BCAS3: variants seen among roughly 807,000 people sequenced by gnomAD.
BCAS3 encodes BCAS3 microtubule associated cell migration factor, also known as BCAS4/BCAS3 fusion.
BCAS3 carries 53 observed loss-of-function variants against 116.1 expected under a neutral mutation model. The ratio of observed to expected loss-of-function variants is 0.46; its 90% CI spans 0.37 to 0.57. The LOEUF (loss-of-function observed/expected upper bound fraction) is 0.57, where lower values mean the gene tolerates loss of function less well. BCAS3 is among the 20% of genes least tolerant of loss of function. The pLI, the probability that BCAS3 is intolerant of heterozygous loss-of-function variation, is 0.00. For missense variants in BCAS3, 917 were observed against 1,165.4 expected (o/e 0.79, Z 3.10); for synonymous variants, 391 against 408.2 (o/e 0.96, Z 0.51).
chr17:60,693,885 A>ATTTT (rs202004899), intron 4 of BCAS3, among the ~76,000 whole-genome samples: 1 of 131,504 alleles, frequency 7.6e-6, no homozygotes, highest in Non-Finnish European at 1.6e-5. Context: ...AAAAATTTTA[A>ATTTT]TTTTTTTTTT....
intron 7 of BCAS3, among the ~76,000 whole-genome samples, chr17:60,823,120 C>T (rs1037958571): frequency 1.3e-5 from 2 of 152,080 alleles, no homozygotes; most frequent in South Asian, 4.1e-4. Context: ...ACCATAGTAA[C>T]CATATTTGTA....
intron 6 of BCAS3, among the ~76,000 whole-genome samples, chr17:60,775,214 T>A (rs2144444993): frequency 6.6e-6 from 1 of 152,276 alleles, no homozygotes; most frequent in South Asian, 2.1e-4. Flanking sequence ...ATTGTGGGGT[T>A]TTTTTTCTCT....
intron 14 of BCAS3, among the ~76,000 whole-genome samples, chr17:60,949,124 C>T (rs2060691834): frequency 6.6e-6 from 1 of 152,080 alleles, no homozygotes; most frequent in Admixed American, 6.6e-5. Flanking sequence ...ATCCACCTGC[C>T]TTGGCCTGCC....
At chr17:61,157,279 C>G (rs1430729685) in intron 22 of BCAS3, among the ~76,000 whole-genome samples, 1 of 152,126 alleles carries the variant, frequency 6.6e-6, no homozygotes, top group Non-Finnish European at 1.5e-5. Context: ...TTGAAAAATC[C>G]AGGTATAAAA....
intron 7 of BCAS3, among the ~76,000 whole-genome samples, chr17:60,822,853 A>G (rs2050079440): frequency 2.0e-5 from 3 of 152,208 alleles, no homozygotes; most frequent in Non-Finnish European, 2.9e-5. Context: ...ATGTTTTTAT[A>G]TTGGGATTTA....
At chr17:61,310,190 T>C (rs1284543489) in intron 22 of BCAS3, among the ~76,000 whole-genome samples, 1 of 152,214 alleles carries the variant, frequency 6.6e-6, no homozygotes, top group Admixed American at 6.5e-5. Flanking sequence ...TATGCTTTTA[T>C]GCGTATGAGC....
chr17:60,769,576 G>C (rs1229228806), intron 6 of BCAS3, among the ~76,000 whole-genome samples: 4 of 152,114 alleles, frequency 2.6e-5, no homozygotes, highest in Non-Finnish European at 4.4e-5. Flanking sequence ...GGAAGGGGGA[G>C]GGCCCCCCTC....
At position 61,055,834 on chromosome 17, in the gene BCAS3, A is replaced by C. The variant is rs368692298; in HGVS notation, c.2029+14942A>C. Among the ~76,000 whole-genome samples the C allele has an allele frequency of 3.3e-5, 5 of 152,046 alleles. No individual in the cohort carries two copies. In the South Asian group the frequency reaches 1.0e-3, roughly 32 times the overall value. On this transcript the variant is annotated intron_variant, in intron 19 of 23. Transcript: ENST00000407086. ...TTTTAAAAAATTGCCGTGTTTTTCC[A>C]TTTATTTTCTAGAAATGATTTGCCT... is the stretch of plus-strand genomic sequence containing the variant.
In BCAS3 at chr17:61,205,188, T is replaced by G. The variant is rs2081054412; in HGVS notation, c.2425+120624T>G. Among the ~76,000 whole-genome samples, 1 of 152,228 alleles carries G rather than the reference T, an allele frequency of 6.6e-6. No homozygotes were observed. The highest frequency in any genetic ancestry group is 1.5e-5 in the Non-Finnish European group (1 of 68,044). Reference sequence around the variant, plus strand: ...ACTGAAAGAAAAAAAAAGGCATTATTTATTTTCCTCCTTTTCTGTCTTCTA... The same window carrying G: ...ACTGAAAGAAAAAAAAAGGCATTATGTATTTTCCTCCTTTTCTGTCTTCTA... On this transcript the variant is annotated intron_variant, in intron 22 of 23. Coordinates refer to ENST00000407086, the MANE Select transcript of BCAS3 (RefSeq NM_017679.5). This position sits in a 1 kb window ranked among gnomAD's most constrained non-coding sequence, Gnocchi z 5.2.
At chr17:61,011,287 C>T (rs1239314897) in intron 15 of BCAS3, among the ~76,000 whole-genome samples, 1 of 152,018 alleles carries the variant, frequency 6.6e-6, no homozygotes, top group Non-Finnish European at 1.5e-5. Context: ...CAATAGACTT[C>T]ATCTAGGTCC....
rs956887604 is a variant in BCAS3 at position 61,348,355 on chromosome 17, G to A, written c.2426-19972G>A. 6.6e-6 allele frequency among the ~76,000 whole-genome samples: 1 copy of A among 152,190 alleles called. No individual in the cohort carries two copies. The highest frequency in any genetic ancestry group is 1.9e-4 in the East Asian group (1 of 5,198). On this transcript the variant is annotated intron_variant, in intron 22 of 23. Coordinates refer to ENST00000407086, the MANE Select transcript of BCAS3 (RefSeq NM_017679.5). This position sits in a 1 kb window ranked among gnomAD's most constrained non-coding sequence, Gnocchi z 4.5. ...GTGCCTGTGGAACATCCAAGTGAGG[G>A]TGCTTGGTCTTACGCAGATGGTTTT...
rs1449645355 is a variant in BCAS3, at chr17:61,348,243, G to A, written c.2426-20084G>A. ...TTTGGGCCAATGAGAAGATGGTGTTGCCACCCACCTAAGTAGGGATAGAGA... is the reference window on the plus strand; with the variant it reads ...TTTGGGCCAATGAGAAGATGGTGTTACCACCCACCTAAGTAGGGATAGAGA... On this transcript the variant is annotated intron_variant, in intron 22 of 23. Transcript: ENST00000407086. This position sits in a 1 kb window ranked among gnomAD's most constrained non-coding sequence, Gnocchi z 4.5. Among the ~76,000 whole-genome samples the A allele has an allele frequency of 6.6e-6, 1 of 152,160 alleles. No individual in the cohort carries two copies. Among genetic ancestry groups the A allele is most frequent in the South Asian group, 2.1e-4 (1 of 4,822 alleles).
Position 60,961,048 on chromosome 17 carries a change from C to T in BCAS3, c.1221+13696C>T, listed in dbSNP as rs2061389452. Among the ~76,000 whole-genome samples, 1 of 152,028 alleles carries T rather than the reference C, an allele frequency of 6.6e-6. No individual in the cohort carries two copies. The highest frequency in any genetic ancestry group is 2.4e-5 in the African/African-American group (1 of 41,410). On this transcript the variant is annotated intron_variant, in intron 14 of 23. Coordinates refer to ENST00000407086, the MANE Select transcript of BCAS3 (RefSeq NM_017679.5). The surrounding 1 kb of genome is among the most constrained non-coding windows in gnomAD (Gnocchi z 4.8). ...TCCTGGCCTTCAGAGCACATTTTCC[C>T]AACCATGAAACTCCTCATAGTAACA...
At chr17:61,071,848 T>A (rs1409518964) in intron 19 of BCAS3, among the ~76,000 whole-genome samples, 1 of 152,214 alleles carries the variant, frequency 6.6e-6, no homozygotes, top group Non-Finnish European at 1.5e-5. Context: ...TTTCAGACTT[T>A]TCAAAATTAT....
At chr17:61,385,639 G>A (rs892176592) in intron 23 of BCAS3, among the ~76,000 whole-genome samples, 1 of 152,218 alleles carries the variant, frequency 6.6e-6, no homozygotes, top group Non-Finnish European at 1.5e-5. Flanking sequence ...GGGCAAGCGC[G>A]GGCAGCTCGG....
intron 22 of BCAS3, among the ~76,000 whole-genome samples, chr17:61,101,737 G>C (rs1601241499): frequency 6.6e-6 from 1 of 152,036 alleles, no homozygotes; most frequent in Non-Finnish European, 1.5e-5. Flanking sequence ...TTAAAATTCT[G>C]GTTTGTTTTG....
At chr17:60,933,584 G>A (rs1419493294) in intron 13 of BCAS3, among the ~76,000 whole-genome samples, 2 of 152,144 alleles carry the variant, frequency 1.3e-5, no homozygotes, top group Non-Finnish European at 2.9e-5. Flanking sequence ...TTACTTAAAT[G>A]ATACATATTA....
At chr17:60,945,761 A>G (rs1385906149) in intron 13 of BCAS3, among the ~76,000 whole-genome samples, 2 of 151,910 alleles carry the variant, frequency 1.3e-5, no homozygotes, top group East Asian at 3.9e-4. Flanking sequence ...AGAATGCACT[A>G]CTGCACTCCA....
At chr17:60,843,161 A>G (rs1158945476) in intron 7 of BCAS3, among the ~76,000 whole-genome samples, 2 of 150,792 alleles carry the variant, frequency 1.3e-5, no homozygotes, top group Admixed American at 6.6e-5. Context: ...TGGCTAAAAA[A>G]CTTATACGTG....
Sources: allele counts gnomAD v4.1 joint callset (sites outside exome capture counted in the v4.1 genomes callset), GRCh38; gene constraint gnomAD v4.1.1; non-coding constraint Gnocchi (gnomAD v3.1); transcripts MANE v1.5; gene names NCBI Gene and HGNC (gene_info 2026-07-23, HGNC 2026-07-21).